Variants in EGFLAM observed in about 807,000 individuals in gnomAD.
EGFLAM encodes pikachurin.
In EGFLAM, 79 loss-of-function variants were observed where a neutral mutation model predicts 113.1. The observed-to-expected ratio is 0.70, with a 90% CI of 0.58 to 0.84. The LOEUF is 0.84. Ranked by LOEUF, EGFLAM falls within the 40% of genes least tolerant of loss-of-function variation. The pLI is 0.00. For synonymous variants in EGFLAM, 504 were observed against 487.6 expected, an observed-to-expected ratio of 1.03 and a Z score of -0.44; for missense variants, 1,265 against 1,291.6, an observed-to-expected ratio of 0.98 and a Z score of 0.32.
chr5:38,427,783 C>T lies in EGFLAM; in HGVS notation c.2054+531C>T, dbSNP rs79077795. Among the ~76,000 whole-genome samples, 625 of 152,284 alleles carry T rather than the reference C, an allele frequency of 4.1e-3. 4 individuals are homozygous for T. The highest frequency in any genetic ancestry group is 0.014 in the African/African-American group (595 of 41,542). ...GTGAATCATCAGCAATGCAGAGACC[C>T]GTTCCCTAAGCAATATGCTCAAGAA... On this transcript the variant is annotated intron_variant, in intron 14 of 21. Coordinates refer to ENST00000322350, the MANE Select transcript of EGFLAM (RefSeq NM_152403.4).
At chr5:38,434,221 T>A (rs571372475) in intron 15 of EGFLAM, among the ~76,000 whole-genome samples, 2 of 152,324 alleles carry the variant, frequency 1.3e-5, no homozygotes, top group East Asian at 3.9e-4. Flanking sequence ...GTTTCTACAA[T>A]GTTAACTCTT....
At chr5:38,299,289 T>G (rs1285763759) in intron 1 of EGFLAM, among the ~76,000 whole-genome samples, 1 of 152,214 alleles carries the variant, frequency 6.6e-6, no homozygotes, top group Admixed American at 6.5e-5. Context: ...TTTTGCCTAC[T>G]TGTTCTCATT....
At chr5:38,304,492 G>A (rs1410796135) in intron 1 of EGFLAM, among the ~76,000 whole-genome samples, 1 of 152,196 alleles carries the variant, frequency 6.6e-6, no homozygotes, top group Non-Finnish European at 1.5e-5. Context: ...TCCCTGCTCA[G>A]TTCCCCTATT....
intron 6 of EGFLAM, among the ~76,000 whole-genome samples, chr5:38,405,908 T>C (rs1013942760): frequency 2.0e-5 from 3 of 152,248 alleles, no homozygotes; most frequent in African/African-American, 7.2e-5. Context: ...ATGGAAGCTC[T>C]TTCTGGTTTC....
At chr5:38,331,651 C>T (rs549788172) in intron 1 of EGFLAM, among the ~76,000 whole-genome samples, 2 of 152,130 alleles carry the variant, frequency 1.3e-5, no homozygotes, top group African/African-American at 4.8e-5. Context: ...TCTCTATTTC[C>T]ACTTTTCAGC....
At chr5:38,336,710 A>G (rs1172073819) in intron 1 of EGFLAM, among the ~76,000 whole-genome samples, 2 of 152,150 alleles carry the variant, frequency 1.3e-5, no homozygotes, top group African/African-American at 4.8e-5. Flanking sequence ...GGAACTGCCC[A>G]TTGAAGCATT....
chr5:38,403,674 T>C lies in EGFLAM; in HGVS notation c.713-2452T>C, dbSNP rs1229790569. On this transcript the variant is annotated intron_variant, in intron 6 of 21. Transcript: ENST00000322350. ...ATTTCATCGTGCTACTCAGAACTTATGAATTGTTTATTTCTGGAATTTCCC... is the reference window on the plus strand; with the variant it reads ...ATTTCATCGTGCTACTCAGAACTTACGAATTGTTTATTTCTGGAATTTCCC... The C allele has an allele frequency of 1.3e-5, 16 of 1,195,674 alleles. No individual in the cohort carries two copies. The Admixed American group carries it at 1.5e-4, about 11-fold the overall frequency. 74.1% of individuals were successfully genotyped at this position (1,195,674 alleles called of 1,614,324 possible). A position where few individuals can be genotyped will look rare whatever the true frequency, so the allele number is the denominator to read the frequency against.
At chr5:38,419,697 T>C (rs1434107467) in intron 12 of EGFLAM, among the ~76,000 whole-genome samples, 1 of 152,214 alleles carries the variant, frequency 6.6e-6, no homozygotes, top group Non-Finnish European at 1.5e-5. Context: ...CCAAGGTTAT[T>C]GTGAAGTAGG....
chr5:38,298,089 C>T (rs1463950286), intron 1 of EGFLAM, among the ~76,000 whole-genome samples: 25 of 151,854 alleles, frequency 1.6e-4, no homozygotes, highest in Non-Finnish European at 1.0e-4. Flanking sequence ...GAAACATCTC[C>T]AAGCTTGACA....
At position 38,277,263 on chromosome 5, in the gene EGFLAM, A is replaced by C. The variant is rs568451869; in HGVS notation, c.97+18412A>C. 9.2e-5 allele frequency among the ~76,000 whole-genome samples: 14 copies of C among 152,316 alleles called. No homozygotes were observed. The East Asian group carries it at 2.7e-3, about 29-fold the overall frequency. ...GGGATGCAAGCATGGTTCAACATAT[A>C]CAAATCAATAAATGTGATACCTCAC... On this transcript the variant is annotated intron_variant, in intron 1 of 21. Coordinates refer to ENST00000322350, the MANE Select transcript of EGFLAM (RefSeq NM_152403.4).
At chr5:38,294,713 T>A (rs982634997) in intron 1 of EGFLAM, among the ~76,000 whole-genome samples, 4 of 152,224 alleles carry the variant, frequency 2.6e-5, no homozygotes, top group African/African-American at 9.6e-5. Flanking sequence ...GTTCTAGCTA[T>A]AAATTTACCA....
At chr5:38,314,150 A>C (rs1376214340) in intron 1 of EGFLAM, among the ~76,000 whole-genome samples, 1 of 152,210 alleles carries the variant, frequency 6.6e-6, no homozygotes, top group East Asian at 1.9e-4. Context: ...TTTGGAGTTA[A>C]AGTTATGTTG....
At chr5:38,432,980 C>G (rs1742233311) in intron 15 of EGFLAM, among the ~76,000 whole-genome samples, 1 of 152,198 alleles carries the variant, frequency 6.6e-6, no homozygotes, top group African/African-American at 2.4e-5. Flanking sequence ...GAAAAAGGAA[C>G]CCACAGGAAG....
chr5:38,457,494 T>G (rs1743128131), intron 19 of EGFLAM, among the ~76,000 whole-genome samples: 1 of 152,174 alleles, frequency 6.6e-6, no homozygotes, highest in African/African-American at 2.4e-5. Flanking sequence ...GCCTCCAGTT[T>G]CCCATGGCTT....
chr5:38,313,461 T>A (rs531522081), intron 1 of EGFLAM, among the ~76,000 whole-genome samples: 1 of 152,298 alleles, frequency 6.6e-6, no homozygotes, highest in East Asian at 1.9e-4. Context: ...TATATTGAGA[T>A]GAACATGCTC....
chr5:38,350,361 GCCAGT>G (rs1036713944), intron 3 of EGFLAM, 135 bp from the exon 4 acceptor site: 2 of 770,214 alleles, frequency 2.6e-6, no homozygotes, highest in African/African-American at 3.5e-5. Context: ...TTAAAACTGG[GCCAGT>G]CCTAGACAAA....
intron 1 of EGFLAM, among the ~76,000 whole-genome samples, chr5:38,326,657 G>GTT (rs1032790144): frequency 6.7e-6 from 1 of 148,234 alleles, no homozygotes; most frequent in Non-Finnish European, 1.5e-5. Flanking sequence ...CACGCCTGGC[G>GTT]TTTTTTTGTA....
Position 38,463,979 on chromosome 5 carries a change from C to T in EGFLAM, c.3023C>T (p.Ala1008Val). 34 of 1,614,218 alleles carry T rather than the reference C, an allele frequency of 2.1e-5. No homozygotes were observed. Among genetic ancestry groups the T allele is most frequent in the Non-Finnish European group, 2.7e-5 (32 of 1,180,044 alleles). The change falls in exon 22 of 22, where the codon GCC (alanine) becomes GTC (valine). Residue 1008 changes from alanine (A) to valine (V), a missense_variant. Coordinates refer to ENST00000322350, the MANE Select transcript of EGFLAM (RefSeq NM_152403.4). ...VDGKNINTCG[A>V]K Reference sequence around the variant, plus strand: ...GGGAAAAACATCAACACTTGTGGAGCCAAGTAACACCAGCTGGCCTTGTCC... The same window carrying T: ...GGGAAAAACATCAACACTTGTGGAGTCAAGTAACACCAGCTGGCCTTGTCC...
chr5:38,269,032 C>A (rs914544575), intron 1 of EGFLAM, among the ~76,000 whole-genome samples: 5 of 152,044 alleles, frequency 3.3e-5, no homozygotes, highest in African/African-American at 1.2e-4. Context: ...AAAAAATTAG[C>A]CAGTTGTGGT....
Sources: allele counts gnomAD v4.1 joint callset (sites outside exome capture counted in the v4.1 genomes callset), GRCh38; gene constraint gnomAD v4.1.1; transcripts MANE v1.5; gene names NCBI Gene and HGNC (gene_info 2026-07-23, HGNC 2026-07-21).